Variants in PPP3R1 observed in about 807,000 individuals in gnomAD.
PPP3R1 encodes the protein calcineurin subunit B type 1.
PPP3R1 carries 5 observed loss-of-function variants against 22.6 expected under a neutral mutation model. The observed-to-expected ratio is 0.22, with a 90% confidence interval of 0.12 to 0.46. The LOEUF is 0.46. Among genes scored for constraint, PPP3R1 ranks in the 20% least tolerant of loss-of-function variants. The pLI, the probability that PPP3R1 is intolerant of heterozygous loss-of-function variation, is 0.99. For missense variants in PPP3R1, 61 were observed against 203.2 expected, an observed-to-expected ratio of 0.30 and a Z score of 4.25; for synonymous variants, 56 against 65.2, an observed-to-expected ratio of 0.86 and a Z score of 0.68.
chr2:68,232,106 AAAAT>A (rs1402476920), intron 1 of PPP3R1, among the ~76,000 whole-genome samples: 2 of 80,196 alleles, frequency 2.5e-5, no homozygotes, highest in African/African-American at 6.2e-5. Flanking sequence ...TAAAAAAAAA[AAAAT>A]ATATATATAT....
intron 1 of PPP3R1, among the ~76,000 whole-genome samples, chr2:68,232,987 T>A (rs990948269): frequency 1.3e-5 from 2 of 152,222 alleles, no homozygotes; most frequent in Admixed American, 1.3e-4. Flanking sequence ...TACTATAATC[T>A]ACTATAATAT....
intron 2 of PPP3R1, among the ~76,000 whole-genome samples, chr2:68,210,634 C>A (rs904441751): frequency 6.6e-6 from 1 of 152,084 alleles, no homozygotes; most frequent in Admixed American, 6.6e-5. Flanking sequence ...ACAAAAAAAT[C>A]TAACTCTAGG....
intron 2 of PPP3R1, among the ~76,000 whole-genome samples, chr2:68,210,550 A>G (rs1669457902): frequency 6.6e-6 from 1 of 152,182 alleles, no homozygotes; most frequent in African/African-American, 2.4e-5. Flanking sequence ...CAGACAACCA[A>G]TCTAGATTTC....
chr2:68,234,265 C>A (rs1669974616), intron 1 of PPP3R1, among the ~76,000 whole-genome samples: 1 of 152,006 alleles, frequency 6.6e-6, no homozygotes, highest in Admixed American at 6.6e-5. Flanking sequence ...ATGGCGTGAA[C>A]CTGGGAGGCG....
At chr2:68,226,847 TA>T (rs1262501487) in intron 1 of PPP3R1, among the ~76,000 whole-genome samples, 1 of 152,130 alleles carries the variant, frequency 6.6e-6, no homozygotes, top group Non-Finnish European at 1.5e-5. Flanking sequence ...CCCGAATTCT[TA>T]AAAGTCCAGT....
chr2:68,225,011 TAATA>T (rs1195125178), intron 1 of PPP3R1, among the ~76,000 whole-genome samples: 4 of 152,252 alleles, frequency 2.6e-5, no homozygotes, highest in Admixed American at 6.5e-5. Flanking sequence ...GCAACTGGCA[TAATA>T]AATATGGCTA....
At chr2:68,252,029 G>C (rs1351936806) in intron 1 of PPP3R1, 96 bp downstream of exon 1, 44 of 1,230,552 alleles carry the variant, frequency 3.6e-5, no homozygotes, top group Non-Finnish European at 4.5e-5. Flanking sequence ...TTCCACGGGG[G>C]ACAGCCGACC....
At chr2:68,232,276 T>A (rs868069281) in intron 1 of PPP3R1, among the ~76,000 whole-genome samples, 1 of 118,724 alleles carries the variant, frequency 8.4e-6, no homozygotes, top group South Asian at 2.7e-4. Context: ...TATATATATA[T>A]ACACACACAC....
chr2:68,206,285 T>C (rs764347744), intron 2 of PPP3R1, among the ~76,000 whole-genome samples: 2 of 151,660 alleles, frequency 1.3e-5, no homozygotes, highest in African/African-American at 2.4e-5. Flanking sequence ...AGAGATGAGA[T>C]AGCACAAGAT....
At chr2:68,229,541 C>T (rs1054105749) in intron 1 of PPP3R1, among the ~76,000 whole-genome samples, 16 of 152,032 alleles carry the variant, frequency 1.1e-4, no homozygotes, top group African/African-American at 3.6e-4. Context: ...TTTTTAGTTC[C>T]ATCAGTCTTT....
chr2:68,215,652 G>GA (rs1396517513), intron 2 of PPP3R1, among the ~76,000 whole-genome samples: 3 of 152,170 alleles, frequency 2.0e-5, no homozygotes, highest in Non-Finnish European at 4.4e-5. Context: ...CTACATAGCA[G>GA]AAAGTTTGAA....
intron 2 of PPP3R1, among the ~76,000 whole-genome samples, chr2:68,198,068 A>C (rs1674831953): frequency 1.4e-5 from 1 of 70,288 alleles, no homozygotes; most frequent in African/African-American, 5.5e-5. Flanking sequence ...TTGGCAAAAA[A>C]AAAAAAAAAA....
intron 5 of PPP3R1, among the ~76,000 whole-genome samples, chr2:68,186,071 C>A (rs1023381111): frequency 9.2e-5 from 14 of 152,222 alleles, no homozygotes; most frequent in Non-Finnish European, 1.8e-4. Context: ...TGCCTCTACT[C>A]TGGATGCTCT....
At chr2:68,193,737 G>A (rs543727477) in intron 2 of PPP3R1, among the ~76,000 whole-genome samples, 12 of 152,092 alleles carry the variant, frequency 7.9e-5, no homozygotes, top group South Asian at 6.2e-4. Context: ...TTGAAATATC[G>A]GCATTAGCAA....
chr2:68,196,497 T>C (rs1674775768), intron 2 of PPP3R1, among the ~76,000 whole-genome samples: 1 of 152,204 alleles, frequency 6.6e-6, no homozygotes, highest in South Asian at 2.1e-4. Flanking sequence ...TAGTATATTA[T>C]GAAATGAACA....
intron 1 of PPP3R1, among the ~76,000 whole-genome samples, chr2:68,235,235 C>T (rs142741683): frequency 2.4e-3 from 363 of 152,250 alleles, no homozygotes; most frequent in Middle Eastern, 0.01. Context: ...TTATATACCA[C>T]ACAAACCATC....
intron 1 of PPP3R1, among the ~76,000 whole-genome samples, chr2:68,238,555 T>C (rs1670058615): frequency 6.6e-6 from 1 of 152,184 alleles, no homozygotes; most frequent in Non-Finnish European, 1.5e-5. Context: ...ACAGTTTAGA[T>C]TTTTAATTCT....
chr2:68,180,348 C>G lies in PPP3R1; in HGVS notation c.*615G>C, dbSNP rs912667695. On this transcript the variant is annotated 3_prime_UTR_variant, in exon 6 of 6. Transcript: ENST00000234310. ...ATATTCATAAGTATAAATAAAGTTA[C>G]AGACTCCTTTGTTACAAAAATGTAA... The G allele has an allele frequency of 1.3e-5, 2 of 151,786 alleles. No individual in the cohort carries two copies. The highest frequency in any genetic ancestry group is 4.9e-5 in the African/African-American group (2 of 40,944). 9.4% of individuals were successfully genotyped at this position (151,786 alleles called of 1,614,324 possible). A position where few individuals can be genotyped will look rare whatever the true frequency, so the allele number is the denominator to read the frequency against.
intron 1 of PPP3R1, among the ~76,000 whole-genome samples, chr2:68,231,102 G>T (rs1455885437): frequency 2.0e-5 from 3 of 151,870 alleles, no homozygotes; most frequent in Non-Finnish European, 4.4e-5. Flanking sequence ...CTCTCCTTCT[G>T]TGACTCTAAC....
Sources: gnomAD v4.1 joint callset for allele counts (sites outside exome capture counted in the v4.1 genomes callset) on GRCh38, gnomAD v4.1.1 for gene constraint, MANE v1.5 for transcripts, NCBI Gene and HGNC (gene_info 2026-07-23, HGNC 2026-07-21) for gene names.